DMD: variants seen among roughly 807,000 people sequenced by gnomAD.
The protein encoded by DMD is mutant dystrophin.
In DMD, 63 loss-of-function variants were observed where a neutral mutation model predicts 330.1. That is an observed-to-expected ratio of 0.19 (90% CI 0.16 to 0.24). The LOEUF is 0.24. Among genes scored for constraint, DMD ranks in the 10% least tolerant of loss-of-function variants. The probability of loss-of-function intolerance (pLI) is 1.00; values close to 1 mark genes in which losing one functional copy is unlikely to be tolerated. For missense variants in DMD, 3,344 were observed against 2,684.1 expected (o/e 1.25, Z -5.43); for synonymous variants, 1,223 against 959.8 (o/e 1.27, Z -5.07).
intron 30 of DMD, among the ~76,000 whole-genome samples, chrX:32,403,692 G>A (rs1370902580): frequency 1.8e-5 from 2 of 111,499 alleles, no homozygotes; most frequent in African/African-American, 6.5e-5. Context: ...CAACACATAG[G>A]GGTGGCCTTT....
At chrX:31,152,355 G>A (rs766811564) in intron 74 of DMD, among the ~76,000 whole-genome samples, 1 of 109,848 alleles carries the variant, frequency 9.1e-6, no homozygotes, top group African/African-American at 3.3e-5. Context: ...GTAGAGGCAG[G>A]GTTTCACCAT....
intron 55 of DMD, among the ~76,000 whole-genome samples, chrX:31,624,108 T>A (rs934676877): frequency 1.8e-5 from 2 of 111,911 alleles, no homozygotes; most frequent in Admixed American, 1.9e-4. Flanking sequence ...CCGATTCAAT[T>A]ACGAATATAG....
intron 1 of DMD, among the ~76,000 whole-genome samples, chrX:33,320,416 G>A (rs375207437): frequency 1.1e-3 from 121 of 111,880 alleles, no homozygotes; most frequent in African/African-American, 3.8e-3. Flanking sequence ...TGAATTATTC[G>A]GTTTCCCAGT....
intron 61 of DMD, among the ~76,000 whole-genome samples, chrX:31,329,916 A>G: frequency 1.1e-5 from 1 of 94,659 alleles, no homozygotes; most frequent in East Asian, 3.7e-4. Context: ...GGTTGCAGTC[A>G]GCTGAGATCG....
rs1202713026 is a variant in DMD, at chrX:31,339,162, T to C, written c.9163+9394A>G. 2.7e-5 allele frequency among the ~76,000 whole-genome samples: 3 copies of C among 111,206 alleles called. No homozygotes were observed. In the South Asian group the frequency reaches 1.2e-3, roughly 43 times the overall value. On this transcript the variant is annotated intron_variant, in intron 61 of 78. Coordinates refer to ENST00000357033, the MANE Select transcript of DMD (RefSeq NM_004006.3). Reference sequence around the variant, plus strand: ...GCAGAAACAAAAACGTTCTGTTTCCTCATGTGTTCAAATTGATGGGATATA... The same window carrying C: ...GCAGAAACAAAAACGTTCTGTTTCCCCATGTGTTCAAATTGATGGGATATA...
intron 1 of DMD, among the ~76,000 whole-genome samples, chrX:33,107,483 C>T (rs192487454): frequency 1.9e-3 from 211 of 110,725 alleles, no homozygotes; most frequent in Non-Finnish European, 3.5e-3. Context: ...TAGGATAGGG[C>T]ACTGGAAATA....
At chrX:32,441,886 A>G (rs2098282597) in intron 27 of DMD, among the ~76,000 whole-genome samples, 1 of 111,251 alleles carries the variant, frequency 9.0e-6, no homozygotes, top group East Asian at 2.8e-4. Flanking sequence ...TTTGTTTGCT[A>G]TTATAAATTT....
In DMD at chrX:32,284,672, A is replaced by T. The variant is rs767478675; in HGVS notation, c.6290+2857T>A. On this transcript the variant is annotated intron_variant, in intron 43 of 78. Transcript: ENST00000357033. The stretch of plus-strand genomic sequence containing the variant: ...ATACATCAGAAATGTATGGAGCAGA[A>T]GATTTAAGAGACTTGCTCAAGGGCA... Among the ~76,000 whole-genome samples the T allele has an allele frequency of 2.7e-5, 3 of 112,301 alleles. No individual in the cohort carries two copies. The South Asian group carries it at 1.1e-3, about 42-fold the overall frequency.
rs142748899 is a variant in DMD at position 32,030,262 on chromosome X, C to T, written c.6439-61748G>A. 9.5e-3 allele frequency among the ~76,000 whole-genome samples: 1,068 copies of T among 112,021 alleles called. 14 individuals are homozygous for T. The highest frequency in any genetic ancestry group is 0.032 in the African/African-American group (998 of 30,897). ...TGTTATTTGTTGTGTGATCTATATC[C>T]ACCATTTCAATCAAAGCATGAGCAA... On this transcript the variant is annotated intron_variant, in intron 44 of 78. Coordinates refer to ENST00000357033, the MANE Select transcript of DMD (RefSeq NM_004006.3).
intron 7 of DMD, among the ~76,000 whole-genome samples, chrX:32,748,341 G>A (rs766665653): frequency 3.3e-5 from 3 of 90,452 alleles, no homozygotes; most frequent in East Asian, 3.4e-4. Flanking sequence ...ACAAGACTCC[G>A]TCTCAAAAAA....
intron 48 of DMD, among the ~76,000 whole-genome samples, chrX:31,839,809 T>C (rs1304392556): frequency 8.9e-6 from 1 of 111,819 alleles, no homozygotes. Context: ...ATATTTTATA[T>C]AACCAACATC....
intron 45 of DMD, among the ~76,000 whole-genome samples, chrX:31,944,099 G>A (rs2095049490): frequency 8.9e-6 from 1 of 111,992 alleles, no homozygotes; most frequent in African/African-American, 3.2e-5. Context: ...TATATTCCCT[G>A]AAACAGTATT....
chrX:33,138,765 A>C (rs988817385), intron 1 of DMD, among the ~76,000 whole-genome samples: 3 of 111,128 alleles, frequency 2.7e-5, no homozygotes, highest in Non-Finnish European at 3.8e-5. Flanking sequence ...GCCATTCTTC[A>C]GCATTTTTAC....
At chrX:32,384,382 G>C in intron 33 of DMD, among the ~76,000 whole-genome samples, 1 of 110,599 alleles carries the variant, frequency 9.0e-6, no homozygotes, top group East Asian at 2.8e-4. Context: ...CATTCCAAAG[G>C]TACCTTGGTA....
rs2076133185 is a variant in DMD, at chrX:31,576,936, C to T, written c.8217+50737G>A. On this transcript the variant is annotated intron_variant, in intron 55 of 78. Transcript: ENST00000357033. ...TTCACCGTGTTAGCCAGGATGGTGTCGATCTCCTGACCTCGTGATCCGCCC... is the reference window on the plus strand; with the variant it reads ...TTCACCGTGTTAGCCAGGATGGTGTTGATCTCCTGACCTCGTGATCCGCCC... 3.7e-5 allele frequency among the ~76,000 whole-genome samples: 4 copies of T among 109,306 alleles called. No homozygotes were observed. In the Admixed American group the frequency reaches 3.9e-4, roughly 11 times the overall value. The allele number at this position is 109,306 out of a possible 115,157, so 94.9% of individuals were successfully genotyped here.
intron 2 of DMD, among the ~76,000 whole-genome samples, chrX:32,954,567 G>A (rs1179964532): frequency 8.9e-6 from 1 of 111,923 alleles, no homozygotes; most frequent in African/African-American, 3.2e-5. Context: ...AAGTTCAGGG[G>A]TACATGTGCA....
intron 1 of DMD, among the ~76,000 whole-genome samples, chrX:33,231,803 T>C (rs2052392018): frequency 9.0e-6 from 1 of 111,331 alleles, no homozygotes; most frequent in Non-Finnish European, 1.9e-5. Flanking sequence ...GCTGCCATGG[T>C]GGGAAATAAG....
rs35272633 is a variant in DMD at position 32,773,516 on chromosome X, A to AT, written c.649+35976dup. ...CCTTCTATCTAACTATATACTTTTT[A>AT]TTTTTTTTTTTTTTTTTACCTATTT... On this transcript the variant is annotated intron_variant, in intron 7 of 78. Coordinates refer to ENST00000357033, the MANE Select transcript of DMD (RefSeq NM_004006.3). Among the ~76,000 whole-genome samples, 70 of 90,280 alleles carry AT rather than the reference A, an allele frequency of 7.8e-4. 1 individual carries two copies. Among genetic ancestry groups the AT allele is most frequent in the South Asian group, 2.9e-3 (5 of 1,701 alleles). 78.4% of individuals were successfully genotyped at this position (90,280 alleles called of 115,157 possible).
At chrX:32,445,394 T>G (rs1219811885) in intron 27 of DMD, among the ~76,000 whole-genome samples, 1 of 110,812 alleles carries the variant, frequency 9.0e-6, no homozygotes, top group Non-Finnish European at 1.9e-5. Context: ...TCACCCTCCC[T>G]TATATCGACA....
Sources: gnomAD v4.1 joint callset for allele counts (sites outside exome capture counted in the v4.1 genomes callset) on GRCh38, gnomAD v4.1.1 for gene constraint, MANE v1.5 for transcripts, NCBI Gene and HGNC (gene_info 2026-07-23, HGNC 2026-07-21) for gene names.